LSAMP: variants seen among roughly 807,000 people sequenced by gnomAD.
LSAMP encodes the protein limbic system associated membrane protein, also known as limbic system-associated membrane protein.
LSAMP carries 7 observed loss-of-function variants against 38.6 expected under a neutral mutation model. The ratio of observed to expected loss-of-function variants is 0.18; its 90% CI spans 0.10 to 0.34. The LOEUF (loss-of-function observed/expected upper bound fraction) is 0.34, where lower values mean the gene tolerates loss of function less well. Among genes scored for constraint, LSAMP ranks in the 10% least tolerant of loss-of-function variants. LSAMP has a pLI of 1.00. For synonymous variants in LSAMP, 154 were observed against 166.8 expected (o/e 0.92, Z 0.59); for missense variants, 313 against 420.0 (o/e 0.75, Z 2.23).
rs536037452 is a variant in LSAMP at position 116,275,035 on chromosome 3, G to A, written c.155+169842C>T. Among the ~76,000 whole-genome samples, 7 of 148,508 alleles carry A rather than the reference G, an allele frequency of 4.7e-5. No homozygotes were observed. The South Asian group carries it at 6.4e-4, about 14-fold the overall frequency. On this transcript the variant is annotated intron_variant, in intron 1 of 6. Transcript: ENST00000490035. ...CTTTTGTTGTCTTTCTTATAAACAC[G>A]GCCACAAAGGATTTAAAAATAAATA...
At chr3:115,939,530 CTCTTTCTTTCTTTCTTTCTT>C (rs377683505) in intron 3 of LSAMP, among the ~76,000 whole-genome samples, 22 of 99,720 alleles carry the variant, frequency 2.2e-4, no homozygotes, top group Middle Eastern at 4.9e-3. Context: ...TGTTCTCTTT[CTCTTTCTTTCTTTCTTTCTT>C]TCTTTCTTTC....
At chr3:116,287,637 T>C (rs1294975129) in intron 1 of LSAMP, among the ~76,000 whole-genome samples, 1 of 152,126 alleles carries the variant, frequency 6.6e-6, no homozygotes, top group East Asian at 1.9e-4. Flanking sequence ...AAGATAAATG[T>C]AGAAAAGGAA....
intron 1 of LSAMP, among the ~76,000 whole-genome samples, chr3:116,359,638 G>T (rs1458687636): frequency 6.6e-6 from 1 of 152,144 alleles, no homozygotes; most frequent in Non-Finnish European, 1.5e-5. Context: ...ACATAGGTAA[G>T]CATGTGCCAT....
chr3:115,929,766 C>G (rs1238102886), intron 3 of LSAMP, among the ~76,000 whole-genome samples: 1 of 151,950 alleles, frequency 6.6e-6, no homozygotes, highest in Non-Finnish European at 1.5e-5. Flanking sequence ...AGGGCTAGTT[C>G]TAATAAAAGT....
intron 1 of LSAMP, among the ~76,000 whole-genome samples, chr3:116,287,967 A>AAATT (rs2047214745): frequency 6.6e-6 from 1 of 152,202 alleles, no homozygotes; most frequent in Admixed American, 6.5e-5. Context: ...CATTTCTAAT[A>AAATT]AATTTGACCT....
intron 2 of LSAMP, among the ~76,000 whole-genome samples, chr3:116,085,702 T>C (rs567850566): frequency 6.6e-6 from 1 of 152,276 alleles, no homozygotes; most frequent in Admixed American, 6.5e-5. Flanking sequence ...AAACGATGAC[T>C]CAGATGTGCC....
intron 1 of LSAMP, among the ~76,000 whole-genome samples, chr3:116,174,553 A>G (rs1410765959): frequency 3.9e-5 from 6 of 152,072 alleles, no homozygotes; most frequent in African/African-American, 1.4e-4. Flanking sequence ...AAAAGCACCC[A>G]AAGAATTAGC....
intron 1 of LSAMP, among the ~76,000 whole-genome samples, chr3:116,426,125 A>T (rs1404953576): frequency 1.3e-5 from 2 of 152,200 alleles, no homozygotes; most frequent in Non-Finnish European, 2.9e-5. Flanking sequence ...AAAAGGCTAG[A>T]CTATAAACTC....
intron 1 of LSAMP, among the ~76,000 whole-genome samples, chr3:116,341,290 G>T (rs1456991068): frequency 1.3e-5 from 2 of 151,850 alleles, no homozygotes; most frequent in Non-Finnish European, 2.9e-5. Flanking sequence ...GTTTTTTGTT[G>T]TTGTTGGTGG....
intron 3 of LSAMP, among the ~76,000 whole-genome samples, chr3:115,996,649 A>G (rs1193110342): frequency 1.3e-5 from 2 of 152,146 alleles, no homozygotes; most frequent in African/African-American, 4.8e-5. Flanking sequence ...ATGTGGGGAA[A>G]AAAAACAACA....
chr3:116,330,575 C>CT (rs981208882), intron 1 of LSAMP, among the ~76,000 whole-genome samples: 2 of 151,862 alleles, frequency 1.3e-5, no homozygotes, highest in East Asian at 3.9e-4. Flanking sequence ...TTTTATTTTT[C>CT]TTTTTTTCTC....
At chr3:116,043,397 A>T (rs1941216889) in intron 2 of LSAMP, among the ~76,000 whole-genome samples, 1 of 152,182 alleles carries the variant, frequency 6.6e-6, no homozygotes, top group Admixed American at 6.5e-5. Context: ...AATGGACACA[A>T]AAAGGTTGCT....
At chr3:116,111,162 C>T (rs1201780369) in intron 1 of LSAMP, among the ~76,000 whole-genome samples, 1 of 152,146 alleles carries the variant, frequency 6.6e-6, no homozygotes, top group Non-Finnish European at 1.5e-5. Flanking sequence ...TTACTTCAGG[C>T]CATCTGGGCA....
Position 116,056,130 on chromosome 3 carries a change from A to ATTAT in LSAMP, c.388+30190_388+30193dup, listed in dbSNP as rs940496329. On this transcript the variant is annotated intron_variant, in intron 2 of 6. Transcript: ENST00000490035. ...TGATATTAATTTTATTTATTCATGT[A>ATTAT]TTATTTATTTATTTATTTACTTTCA... 1.8e-4 allele frequency among the ~76,000 whole-genome samples: 27 copies of ATTAT among 152,270 alleles called. No homozygotes were observed. In the Middle Eastern group the frequency reaches 0.01, roughly 58 times the overall value.
At chr3:116,154,536 C>G (rs1265548487) in intron 1 of LSAMP, among the ~76,000 whole-genome samples, 1 of 152,136 alleles carries the variant, frequency 6.6e-6, no homozygotes, top group African/African-American at 2.4e-5. Context: ...TGCTCTAAGA[C>G]TTTACTGGGT....
intron 1 of LSAMP, among the ~76,000 whole-genome samples, chr3:116,109,289 A>C (rs958758862): frequency 6.6e-6 from 1 of 152,050 alleles, no homozygotes; most frequent in Non-Finnish European, 1.5e-5. Flanking sequence ...AGGTGTGAGG[A>C]GGGGAGGCAA....
At position 116,184,190 on chromosome 3, in the gene LSAMP, T is replaced by C. The variant is rs1710555339; in HGVS notation, c.156-97634A>G. Reference sequence around the variant, plus strand: ...ATCATCAGCTTCCTTATCATCATCGTTATAGCTAAATGTATCAAACTTTGC... The same window carrying C: ...ATCATCAGCTTCCTTATCATCATCGCTATAGCTAAATGTATCAAACTTTGC... On this transcript the variant is annotated intron_variant, in intron 1 of 6. Transcript: ENST00000490035. Among the ~76,000 whole-genome samples, 3 of 151,980 alleles carry C rather than the reference T, an allele frequency of 2.0e-5. No homozygotes were observed. The South Asian group carries it at 6.2e-4, about 31-fold the overall frequency.
intron 1 of LSAMP, among the ~76,000 whole-genome samples, chr3:116,240,375 A>C (rs2046517028): frequency 6.6e-6 from 1 of 152,212 alleles, no homozygotes; most frequent in Admixed American, 6.5e-5. Context: ...GTCAGTTCAG[A>C]GTTAAAAAGG....
At chr3:116,200,493 TCAAAGA>T (rs1164208515) in intron 1 of LSAMP, among the ~76,000 whole-genome samples, 4 of 152,214 alleles carry the variant, frequency 2.6e-5, no homozygotes, top group African/African-American at 4.8e-5. Flanking sequence ...ATTCAGTTTA[TCAAAGA>T]CAAAGTCTAG....
Sources: gnomAD v4.1 joint callset for allele counts (sites outside exome capture counted in the v4.1 genomes callset) on GRCh38, gnomAD v4.1.1 for gene constraint, MANE v1.5 for transcripts, NCBI Gene and HGNC (gene_info 2026-07-23, HGNC 2026-07-21) for gene names.